Variants in CLIP2 observed in about 807,000 individuals in gnomAD.
CLIP2 encodes the protein CAP-Gly domain-containing linker protein 2.
In CLIP2, 41 loss-of-function variants were observed where a neutral mutation model predicts 111.7. The ratio of observed to expected loss-of-function variants is 0.37; its 90% CI spans 0.29 to 0.48. CLIP2 has a LOEUF of 0.48. Among genes scored for constraint, CLIP2 ranks in the 20% least tolerant of loss-of-function variants. The probability of loss-of-function intolerance (pLI) is 0.99; values close to 1 mark genes in which losing one functional copy is unlikely to be tolerated. For missense variants in CLIP2, 1,160 were observed against 1,422.1 expected (o/e 0.82, Z 2.96); for synonymous variants, 660 against 644.2 (o/e 1.02, Z -0.37).
At chr7:74,354,928 C>T (rs1424509859) in intron 4 of CLIP2, among the ~76,000 whole-genome samples, 4 of 152,154 alleles carry the variant, frequency 2.6e-5, no homozygotes, top group Non-Finnish European at 5.9e-5. Flanking sequence ...CCAGGTCTCA[C>T]AGCATCTCTG....
intron 1 of CLIP2, among the ~76,000 whole-genome samples, chr7:74,314,993 C>T (rs917891938): frequency 6.6e-6 from 1 of 152,168 alleles, no homozygotes; most frequent in South Asian, 2.1e-4. Flanking sequence ...GGACACAAAG[C>T]TGGCCGGGCG....
intron 14 of CLIP2, among the ~76,000 whole-genome samples, chr7:74,400,026 G>A (rs2116712791): frequency 6.6e-6 from 1 of 151,320 alleles, no homozygotes. Flanking sequence ...GTGGTGGTGG[G>A]CCCCTCCCAG....
intron 1 of CLIP2, among the ~76,000 whole-genome samples, chr7:74,311,715 G>C (rs987428213): frequency 4.6e-5 from 7 of 151,702 alleles, no homozygotes; most frequent in Non-Finnish European, 8.8e-5. Context: ...TTTGAGACCA[G>C]CCTGGGCAAT....
At chr7:74,334,858 C>T (rs553206856) in intron 2 of CLIP2, among the ~76,000 whole-genome samples, 5 of 150,794 alleles carry the variant, frequency 3.3e-5, no homozygotes, top group South Asian at 2.1e-4. Context: ...TGTGCTGGCA[C>T]GCACCTATAA....
At chr7:74,364,993 T>TTG (rs10600630) in intron 8 of CLIP2, 4,437 of 264,748 alleles carry the variant, frequency 0.017, 132 homozygotes, top group Non-Finnish European at 0.021. Flanking sequence ...CTGTTTTTTG[T>TTG]TGTGTGTGTG....
intron 3 of CLIP2, among the ~76,000 whole-genome samples, chr7:74,348,654 G>T (rs1258974240): frequency 6.6e-6 from 1 of 151,998 alleles, no homozygotes. Flanking sequence ...GCCAGGCATG[G>T]TGGCGGGCGC....
In CLIP2 at chr7:74,386,547, G is replaced by A. The variant is rs1554314826; in HGVS notation, c.2506G>A (p.Asp836Asn). The change falls in exon 12 of 17, where the codon GAC becomes AAC. Residue 836 changes from aspartate (D) to asparagine (N), a missense_variant. This residue lies in a region of CLIP2 where 676 missense variants were observed against 777.8 expected (regional missense o/e 0.87). Transcript: ENST00000223398. Reference sequence around the variant, plus strand: ...CCTGCAGGACAAGCTGAACAAGAGGGACAAAGAGGTGACAGCCTTGACCTC... The same window carrying A: ...CCTGCAGGACAAGCTGAACAAGAGGAACAAAGAGGTGACAGCCTTGACCTC... ...EGLQDKLNKRDKEVTALTSQT... is the reference protein window; with the variant it reads ...EGLQDKLNKRNKEVTALTSQT... The A allele has an allele frequency of 6.2e-7, 1 of 1,611,424 alleles. No homozygotes were observed. Among genetic ancestry groups the A allele is most frequent in the African/African-American group, 1.3e-5 (1 of 74,724 alleles).
intron 3 of CLIP2, among the ~76,000 whole-genome samples, 165 bp from the exon 4 acceptor site, chr7:74,353,715 G>C (rs1308137410): frequency 6.6e-6 from 1 of 152,152 alleles, no homozygotes; most frequent in East Asian, 1.9e-4. Context: ...TGGTTAACCT[G>C]TCTCCATCTC....
chr7:74,306,347 G>A (rs1460340699), intron 1 of CLIP2, among the ~76,000 whole-genome samples: 2 of 152,152 alleles, frequency 1.3e-5, no homozygotes, highest in African/African-American at 2.4e-5. Context: ...TGGAGAGAGT[G>A]GGCTCTGGTG....
In CLIP2 at chr7:74,372,432, C is replaced by T. The variant is rs1006738003; in HGVS notation, c.1381-500C>T. On this transcript the variant is annotated intron_variant, in intron 8 of 16. Coordinates refer to ENST00000223398, the MANE Select transcript of CLIP2 (RefSeq NM_003388.5). ...GGGGGGGGGAGTCGAGCGGGAATCC[C>T]GGGGTCCTTTATTTATTCCTCATCC... Among the ~76,000 whole-genome samples, 49 of 146,230 alleles carry T rather than the reference C, an allele frequency of 3.4e-4. 2 individuals carry two copies. The highest frequency in any genetic ancestry group is 1.2e-3 in the African/African-American group (47 of 38,518).
At position 74,386,588 on chromosome 7, in the gene CLIP2, C is replaced by A. The variant is rs782133779; in HGVS notation, c.2547C>A (p.Leu849=). ...CCTTGACCTCCCAGACCGAGATGCT[C>A]AGGGCCCAAGTAAGTGGTAAGTCTC... The part of the protein sequence containing the change: ...VTALTSQTEM[L]RAQVSALESK... Residue 849 remains leucine (L), a synonymous_variant, in exon 12 of 17, where the codon CTC becomes CTA. Transcript: ENST00000223398. 4.2e-5 allele frequency: 68 copies of A among 1,609,436 alleles called. No homozygotes were observed. Among genetic ancestry groups the A allele is most frequent in the Non-Finnish European group, 5.5e-5 (65 of 1,178,260 alleles).
intron 2 of CLIP2, among the ~76,000 whole-genome samples, chr7:74,332,055 A>G (rs566037272): frequency 1.3e-5 from 2 of 152,056 alleles, no homozygotes; most frequent in Admixed American, 6.6e-5. Context: ...CTGATCAGAG[A>G]AGAAGGTTTG....
intron 3 of CLIP2, among the ~76,000 whole-genome samples, chr7:74,342,928 G>A (rs1253120981): frequency 1.3e-5 from 2 of 151,814 alleles, no homozygotes; most frequent in Non-Finnish European, 1.5e-5. Context: ...CCAGCTACTC[G>A]GGAGGCTGAG....
intron 1 of CLIP2, among the ~76,000 whole-genome samples, chr7:74,300,424 C>T (rs903061003): frequency 2.0e-5 from 3 of 151,798 alleles, no homozygotes; most frequent in Non-Finnish European, 2.9e-5. Flanking sequence ...TAATGGCTCC[C>T]ATCCATGTTG....
intron 1 of CLIP2, among the ~76,000 whole-genome samples, chr7:74,292,033 T>C (rs1216561638): frequency 3.3e-5 from 5 of 152,080 alleles, no homozygotes; most frequent in Admixed American, 2.6e-4. Flanking sequence ...CAAGCAATTC[T>C]GCCTCAGCCT....
At position 74,401,576 on chromosome 7, in the gene CLIP2, C is replaced by T. The variant is rs370152035; in HGVS notation, c.3129+9C>T. 1.9e-5 allele frequency: 31 copies of T among 1,613,244 alleles called. No homozygotes were observed. The highest frequency in any genetic ancestry group is 3.3e-5 in the Admixed American group (2 of 59,930). The stretch of plus-strand genomic sequence containing the variant: ...AAGCTCAGAAACAAGAGGTGAGGGG[C>T]GCCTCGGGCCTCCCAGGTCCCTCCC... On this transcript the variant is annotated intron_variant, in intron 16 of 16. Transcript: ENST00000223398.
Position 74,372,333 on chromosome 7 carries a change from C to T in CLIP2, c.1381-599C>T, listed in dbSNP as rs1482476651. Reference sequence around the variant, plus strand: ...CCAAGGAGGCTGGGGCCAAGAGGATCGTGAGGGGTCGGGTATATTTTGGAA... The same window carrying T: ...CCAAGGAGGCTGGGGCCAAGAGGATTGTGAGGGGTCGGGTATATTTTGGAA... On this transcript the variant is annotated intron_variant, in intron 8 of 16. Transcript: ENST00000223398. Among the ~76,000 whole-genome samples, 6 of 126,730 alleles carry T rather than the reference C, an allele frequency of 4.7e-5. No individual in the cohort carries two copies. The South Asian group carries it at 1.3e-3, about 28-fold the overall frequency. The allele number at this position is 126,730 out of a possible 152,430, so 83.1% of individuals were successfully genotyped here.
chr7:74,334,882 G>A (rs924264131), intron 2 of CLIP2, among the ~76,000 whole-genome samples: 2 of 151,472 alleles, frequency 1.3e-5, no homozygotes, highest in Non-Finnish European at 2.9e-5. Flanking sequence ...TGGCTACACT[G>A]GAGGCCGAGG....
Position 74,359,384 on chromosome 7 carries a change from C to T in CLIP2, c.1216-791C>T, listed in dbSNP as rs555488033. Among the ~76,000 whole-genome samples, 632 of 140,730 alleles carry T rather than the reference C, an allele frequency of 4.5e-3. 3 individuals carry two copies. The highest frequency in any genetic ancestry group is 7.0e-3 in the Non-Finnish European group (465 of 66,564). The allele number at this position is 140,730 out of a possible 152,430, so 92.3% of individuals were successfully genotyped here. ...TTTTTTCTTTTTTGAGGCAGAGTCT[C>T]GCTCTGTCGCCCAGGCTGGAGTGCA... On this transcript the variant is annotated intron_variant, in intron 6 of 16. Coordinates refer to ENST00000223398, the MANE Select transcript of CLIP2 (RefSeq NM_003388.5).
Sources: allele counts gnomAD v4.1 joint callset (sites outside exome capture counted in the v4.1 genomes callset), GRCh38; gene constraint gnomAD v4.1.1; regional missense constraint gnomAD v4.1.1; transcripts MANE v1.5; gene names NCBI Gene and HGNC (gene_info 2026-07-23, HGNC 2026-07-21).